The following CTNND2 variants were observed in gnomAD, a reference collection of about 807,000 sequenced individuals.
The protein encoded by CTNND2 is catenin delta 2.
CTNND2 carries 22 observed loss-of-function variants against 144.4 expected under a neutral mutation model. The ratio of observed to expected loss-of-function variants is 0.15; its 90% CI spans 0.11 to 0.22. The LOEUF (loss-of-function observed/expected upper bound fraction) is 0.22. Among genes scored for constraint, CTNND2 ranks in the 10% least tolerant of loss-of-function variants. The probability of loss-of-function intolerance (pLI) is 1.00; values close to 1 mark genes in which losing one functional copy is unlikely to be tolerated. For missense variants in CTNND2, 1,353 were observed against 1,618.8 expected (o/e 0.84, Z 2.82); for synonymous variants, 751 against 695.6 (o/e 1.08, Z -1.25).
At chr5:11,768,633 C>T (rs943556223) in intron 1 of CTNND2, among the ~76,000 whole-genome samples, 3 of 152,172 alleles carry the variant, frequency 2.0e-5, no homozygotes, top group Non-Finnish European at 2.9e-5. Flanking sequence ...AGAGACATTG[C>T]TGAAGTTCAC....
intron 9 of CTNND2, among the ~76,000 whole-genome samples, chr5:11,270,325 C>G (rs913687763): frequency 3.9e-5 from 6 of 151,964 alleles, no homozygotes; most frequent in Non-Finnish European, 8.8e-5. Context: ...GAGACAGACA[C>G]ATTAAGCAAT....
At chr5:11,294,695 C>T (rs59128909) in intron 9 of CTNND2, among the ~76,000 whole-genome samples, 6,118 of 152,184 alleles carry the variant, frequency 0.04, 193 homozygotes, top group African/African-American at 0.082. Context: ...AATCAATAAA[C>T]GTAATCCAGC....
intron 1 of CTNND2, among the ~76,000 whole-genome samples, chr5:11,786,427 T>C (rs1255994823): frequency 6.6e-6 from 1 of 152,176 alleles, no homozygotes; most frequent in African/African-American, 2.4e-5. Flanking sequence ...AATAAAGCAT[T>C]ACACCTTAAT....
chr5:11,662,327 C>T lies in CTNND2; in HGVS notation c.174+69809G>A, dbSNP rs529279175. Among the ~76,000 whole-genome samples the T allele has an allele frequency of 2.7e-3, 400 of 150,094 alleles. 3 individuals carry two copies. The highest frequency in any genetic ancestry group is 9.4e-3 in the African/African-American group (382 of 40,754). On this transcript the variant is annotated intron_variant, in intron 2 of 21. Coordinates refer to ENST00000304623, the MANE Select transcript of CTNND2 (RefSeq NM_001332.4). ...GAGAGGGTTTATTAAGTAGTATTAACTCACACAATCACGATCACAAGATCC... is the reference window on the plus strand; with the variant it reads ...GAGAGGGTTTATTAAGTAGTATTAATTCACACAATCACGATCACAAGATCC...
intron 3 of CTNND2, among the ~76,000 whole-genome samples, chr5:11,517,502 A>G (rs1430825247): frequency 1.3e-5 from 2 of 152,176 alleles, no homozygotes; most frequent in East Asian, 1.9e-4. Flanking sequence ...AAGGTATACA[A>G]TGTGATGCTT....
intron 2 of CTNND2, among the ~76,000 whole-genome samples, chr5:11,584,213 G>C (rs530476859): frequency 6.6e-6 from 1 of 152,130 alleles, no homozygotes; most frequent in Non-Finnish European, 1.5e-5. Context: ...TGACTAATGC[G>C]AAAGCTATGC....
intron 9 of CTNND2, among the ~76,000 whole-genome samples, chr5:11,343,418 C>G (rs966446208): frequency 2.0e-5 from 3 of 152,130 alleles, no homozygotes; most frequent in Non-Finnish European, 4.4e-5. Context: ...ACAAAGACCA[C>G]ACATCCAATA....
chr5:11,384,568 AGCGCGCCC>A lies in CTNND2; in HGVS notation c.1177+89_1177+96del. ...CTGCAACTACTACAACCTGGCAGAC[AGCGCGCCC>A]GGCTTCGCTTCTGCTCAAGCCGGGC... On this transcript the variant is annotated intron_variant, in intron 7 of 21. Transcript: ENST00000304623. The surrounding 1 kb of genome is among the most constrained non-coding windows in gnomAD (Gnocchi z 5.2). 8.5e-7 allele frequency: 1 copy of A among 1,170,982 alleles called. No individual in the cohort carries two copies. The highest frequency in any genetic ancestry group is 1.5e-5 in the South Asian group (1 of 65,266). The allele number at this position is 1,170,982 out of a possible 1,614,324, so 72.5% of individuals were successfully genotyped here.
chr5:11,131,783 C>T (rs915361388), intron 12 of CTNND2, among the ~76,000 whole-genome samples: 2 of 151,582 alleles, frequency 1.3e-5, no homozygotes, highest in Non-Finnish European at 2.9e-5. Flanking sequence ...AGCGAGACTG[C>T]GTCTCAAAAA....
At chr5:11,774,551 A>T (rs1027160956) in intron 1 of CTNND2, among the ~76,000 whole-genome samples, 1 of 33,380 alleles carries the variant, frequency 3.0e-5, no homozygotes, top group African/African-American at 4.2e-5. Context: ...AAAGTATAAT[A>T]AAAAAAAATT....
chr5:11,434,254 G>A (rs774025397), intron 3 of CTNND2, among the ~76,000 whole-genome samples: 13 of 152,138 alleles, frequency 8.5e-5, no homozygotes, highest in Non-Finnish European at 1.8e-4. Flanking sequence ...CATTCAATAT[G>A]GAATTCTTAA....
At chr5:11,524,322 A>C (rs1447298031) in intron 3 of CTNND2, among the ~76,000 whole-genome samples, 1 of 152,210 alleles carries the variant, frequency 6.6e-6, no homozygotes, top group Non-Finnish European at 1.5e-5. Flanking sequence ...ACTCAAACAC[A>C]ATCACACACT....
rs140920165 is a variant in CTNND2 at position 11,460,622 on chromosome 5, G to T, written c.288-48553C>A. Among the ~76,000 whole-genome samples the T allele has an allele frequency of 9.0e-3, 1,374 of 152,188 alleles. 22 individuals carry two copies. The highest frequency in any genetic ancestry group is 0.039 in the Admixed American group (593 of 15,270). ...CCCTTGCTCAGGCTATTCTAGTCTG[G>T]GTGATCTCCTTCCAGTACCCCAGGG... On this transcript the variant is annotated intron_variant, in intron 3 of 21. Transcript: ENST00000304623.
intron 1 of CTNND2, among the ~76,000 whole-genome samples, chr5:11,741,824 T>C (rs1473903346): frequency 6.7e-6 from 1 of 148,276 alleles, no homozygotes; most frequent in South Asian, 2.1e-4. Flanking sequence ...TATATGTATA[T>C]ATAGTAGTAT....
intron 11 of CTNND2, among the ~76,000 whole-genome samples, chr5:11,187,334 A>C (rs769384339): frequency 3.9e-5 from 6 of 152,172 alleles, no homozygotes; most frequent in Non-Finnish European, 7.4e-5. Flanking sequence ...GACAAACCTA[A>C]CAAAAACAAG....
At chr5:11,863,795 T>C (rs1010230964) in intron 1 of CTNND2, among the ~76,000 whole-genome samples, 5 of 152,196 alleles carry the variant, frequency 3.3e-5, no homozygotes, top group African/African-American at 1.2e-4. Context: ...ATAGGCAATT[T>C]AACAGTCTGA....
Position 11,589,444 on chromosome 5 carries a change from GT to G in CTNND2, c.175-24389del, listed in dbSNP as rs1358554869. Reference sequence around the variant, plus strand: ...AGAGTTCATATTCAAAGCCAGTCCGGTTTTGGTTTCAAAGATGAACAGCTGT... The same window carrying G: ...AGAGTTCATATTCAAAGCCAGTCCGGTTTGGTTTCAAAGATGAACAGCTGT... On this transcript the variant is annotated intron_variant, in intron 2 of 21. Coordinates refer to ENST00000304623, the MANE Select transcript of CTNND2 (RefSeq NM_001332.4). Among the ~76,000 whole-genome samples, 13 of 152,246 alleles carry G rather than the reference GT, an allele frequency of 8.5e-5. No individual in the cohort carries two copies. In the South Asian group the frequency reaches 1.0e-3, roughly 12 times the overall value.
chr5:10,987,722 C>T (rs1451610622), intron 20 of CTNND2, among the ~76,000 whole-genome samples: 1 of 142,938 alleles, frequency 7.0e-6, no homozygotes, highest in East Asian at 2.1e-4. Context: ...CTCCCCTCCC[C>T]TTCCACCTTC....
At chr5:11,412,563 C>A (rs1761627952) in intron 3 of CTNND2, among the ~76,000 whole-genome samples, 1 of 151,990 alleles carries the variant, frequency 6.6e-6, no homozygotes, top group Non-Finnish European at 1.5e-5. Flanking sequence ...AAAATTATAA[C>A]ACTTTACCAC....
Sources: gnomAD v4.1 joint callset for allele counts (sites outside exome capture counted in the v4.1 genomes callset) on GRCh38, gnomAD v4.1.1 for gene constraint, Gnocchi (gnomAD v3.1) non-coding constraint, MANE v1.5 for transcripts, NCBI Gene and HGNC (gene_info 2026-07-23, HGNC 2026-07-21) for gene names.